The following SYT16 variants were observed in gnomAD, a reference collection of about 807,000 sequenced individuals.
The protein encoded by SYT16 is synaptotagmin-16.
A neutral mutation model predicts 61.4 loss-of-function variants in SYT16; 42 were observed. That is an observed-to-expected ratio of 0.68 (90% CI 0.53 to 0.89). The LOEUF (loss-of-function observed/expected upper bound fraction) is 0.89, where lower values mean the gene tolerates loss of function less well. Among genes scored for constraint, SYT16 ranks in the 40% least tolerant of loss-of-function variants. SYT16 has a pLI of 0.00. For missense variants in SYT16, 804 were observed against 807.3 expected (o/e 1.00, Z 0.05); for synonymous variants, 314 against 302.3 (o/e 1.04, Z -0.40).
chr14:61,893,709 T>C (rs2048218677), intron 1 of SYT16, among the ~76,000 whole-genome samples: 1 of 152,124 alleles, frequency 6.6e-6, no homozygotes, highest in Admixed American at 6.5e-5. Flanking sequence ...TCCACTAGAA[T>C]CTTATGATTT....
chr14:61,897,764 A>G (rs2048373488), intron 1 of SYT16, among the ~76,000 whole-genome samples: 1 of 152,124 alleles, frequency 6.6e-6, no homozygotes, highest in Admixed American at 6.6e-5. Context: ...AGATAAAAGA[A>G]AAATGAAAGC....
At chr14:62,065,214 A>G (rs1456785198) in intron 3 of SYT16, among the ~76,000 whole-genome samples, 2 of 152,324 alleles carry the variant, frequency 1.3e-5, no homozygotes, top group South Asian at 2.1e-4. Flanking sequence ...TCCTAATGCA[A>G]TGAAATCTGA....
At chr14:62,019,468 T>C (rs2053832558) in intron 3 of SYT16, among the ~76,000 whole-genome samples, 1 of 152,214 alleles carries the variant, frequency 6.6e-6, no homozygotes, top group South Asian at 2.1e-4. Flanking sequence ...GAGGCTCTCT[T>C]TTCTCATCTG....
chr14:61,891,570 C>G (rs530188619), intron 1 of SYT16, among the ~76,000 whole-genome samples: 293 of 152,216 alleles, frequency 1.9e-3, no homozygotes, highest in African/African-American at 6.8e-3. Context: ...ACAGCTGGGA[C>G]CCTTCCAGAA....
chr14:61,981,363 C>T (rs765080249), intron 2 of SYT16, among the ~76,000 whole-genome samples: 1 of 152,140 alleles, frequency 6.6e-6, no homozygotes, highest in Non-Finnish European at 1.5e-5. Flanking sequence ...TACCTTTCAT[C>T]TATCTGTATT....
chr14:62,050,549 C>T (rs114368072), intron 3 of SYT16, among the ~76,000 whole-genome samples: 4,622 of 152,190 alleles, frequency 0.03, 236 homozygotes, highest in African/African-American at 0.11. Context: ...AGAGGCGCTC[C>T]GAATTTTAGA....
chr14:61,965,959 GA>G (rs1383757218), intron 1 of SYT16, among the ~76,000 whole-genome samples: 3 of 152,076 alleles, frequency 2.0e-5, no homozygotes, highest in Non-Finnish European at 4.4e-5. Context: ...CATACAGACT[GA>G]AAAATTCTGT....
chr14:61,999,884 C>T (rs1454027442), intron 3 of SYT16, among the ~76,000 whole-genome samples: 1 of 151,546 alleles, frequency 6.6e-6, no homozygotes, highest in Admixed American at 6.6e-5. Context: ...TTGTTGATTT[C>T]TAGTTTTATT....
chr14:62,086,905 A>G (rs1323799687), intron 7 of SYT16, among the ~76,000 whole-genome samples: 1 of 152,186 alleles, frequency 6.6e-6, no homozygotes, highest in Non-Finnish European at 1.5e-5. Flanking sequence ...TTAAAACAGA[A>G]AGCCAATAGT....
chr14:62,046,666 A>C (rs1359178240), intron 3 of SYT16, among the ~76,000 whole-genome samples: 2 of 152,220 alleles, frequency 1.3e-5, no homozygotes, highest in Admixed American at 6.5e-5. Context: ...TCAGCTTTCT[A>C]CATATGGTTA....
At chr14:61,824,454 A>G (rs926405419) in intron 1 of SYT16, among the ~76,000 whole-genome samples, 11 of 151,944 alleles carry the variant, frequency 7.2e-5, no homozygotes, top group Non-Finnish European at 2.9e-5. Flanking sequence ...CCGGGTTCAC[A>G]CCATTCTCCT....
intron 2 of SYT16, among the ~76,000 whole-genome samples, chr14:61,993,469 T>G (rs1439541374): frequency 1.3e-5 from 2 of 151,976 alleles, no homozygotes; most frequent in East Asian, 1.9e-4. Flanking sequence ...AAACTCAAAG[T>G]TTTTTTGTGT....
intron 2 of SYT16, among the ~76,000 whole-genome samples, chr14:61,994,690 G>C (rs566036979): frequency 6.6e-6 from 1 of 152,154 alleles, no homozygotes; most frequent in Admixed American, 6.6e-5. Context: ...TCAGCATAGG[G>C]GGGAAATGTG....
intron 3 of SYT16, among the ~76,000 whole-genome samples, chr14:62,062,998 T>G (rs1315262493): frequency 6.6e-6 from 1 of 152,204 alleles, no homozygotes; most frequent in Admixed American, 6.5e-5. Flanking sequence ...AAATCCTCTC[T>G]TTGCATCGCC....
At chr14:62,088,698 A>G (rs913754860) in intron 7 of SYT16, among the ~76,000 whole-genome samples, 7 of 152,194 alleles carry the variant, frequency 4.6e-5, no homozygotes, top group East Asian at 3.9e-4. Context: ...AAGAGCAACA[A>G]TGGCTACAAT....
chr14:61,956,184 T>C (rs1317788014), intron 1 of SYT16, among the ~76,000 whole-genome samples: 1 of 152,096 alleles, frequency 6.6e-6, no homozygotes, highest in African/African-American at 2.4e-5. Context: ...GAGGTCCTTA[T>C]GTATTTTTAA....
chr14:62,005,337 C>A (rs1266420058), intron 3 of SYT16, among the ~76,000 whole-genome samples: 1 of 152,068 alleles, frequency 6.6e-6, no homozygotes, highest in African/African-American at 2.4e-5. Context: ...TTTGTGTTGC[C>A]AGCTTCTTCA....
chr14:61,866,286 CA>C (rs1264624093), intron 1 of SYT16, among the ~76,000 whole-genome samples: 1 of 151,702 alleles, frequency 6.6e-6, no homozygotes, highest in Non-Finnish European at 1.5e-5. Flanking sequence ...TTTAGCTCTA[CA>C]AAAAATTGCC....
intron 3 of SYT16, among the ~76,000 whole-genome samples, chr14:62,002,969 T>C (rs2053080158): frequency 6.6e-6 from 1 of 151,940 alleles, no homozygotes; most frequent in Non-Finnish European, 1.5e-5. Context: ...TGTAAAACCA[T>C]CAGAGCTCAT....
Sources: gnomAD v4.1 joint callset for allele counts (sites outside exome capture counted in the v4.1 genomes callset) on GRCh38, gnomAD v4.1.1 for gene constraint, MANE v1.5 for transcripts, NCBI Gene and HGNC (gene_info 2026-07-23, HGNC 2026-07-21) for gene names.